Variants in LMBRD2 observed in about 807,000 individuals in gnomAD.
The protein encoded by LMBRD2 is LMBR1 domain containing 2.
Under a neutral mutation model 94.4 loss-of-function variants are expected in LMBRD2, and 55 were observed. The ratio of observed to expected loss-of-function variants is 0.58; its 90% CI spans 0.47 to 0.73. LMBRD2 has a LOEUF of 0.73. Among genes scored for constraint, LMBRD2 ranks in the 30% least tolerant of loss-of-function variants. The pLI is 0.00. For synonymous variants in LMBRD2, 246 were observed against 272.4 expected, an observed-to-expected ratio of 0.90 and a Z score of 0.95; for missense variants, 640 against 831.9, an observed-to-expected ratio of 0.77 and a Z score of 2.84.
chr5:36,135,092 T>G lies in LMBRD2; in HGVS notation c.747+1217A>C, dbSNP rs776038646. Among the ~76,000 whole-genome samples, 7 of 152,162 alleles carry G rather than the reference T, an allele frequency of 4.6e-5. No homozygotes were observed. In the South Asian group the frequency reaches 1.4e-3, roughly 31 times the overall value. On this transcript the variant is annotated intron_variant, in intron 6 of 17. Coordinates refer to ENST00000296603, the MANE Select transcript of LMBRD2 (RefSeq NM_001007527.2). ...TCCTACAATGACAGAGTAGTTGCAA[T>G]AGAAATGACATTGCACACAAAGCCT...
chr5:36,124,136 A>G (rs1220050487), intron 7 of LMBRD2, 55 bp downstream of exon 7: 14 of 990,268 alleles, frequency 1.4e-5, no homozygotes, highest in Non-Finnish European at 2.0e-5. Context: ...TACTTTTGGT[A>G]TAATATTATA....
intron 9 of LMBRD2, among the ~76,000 whole-genome samples, chr5:36,120,073 T>G (rs974314616): frequency 6.6e-6 from 1 of 151,984 alleles, no homozygotes; most frequent in African/African-American, 2.4e-5. Context: ...ATTTCTTTTT[T>G]TTTTTTGACG....
At chr5:36,149,035 A>T (rs922393297) in intron 1 of LMBRD2, among the ~76,000 whole-genome samples, 2 of 152,246 alleles carry the variant, frequency 1.3e-5, no homozygotes, top group Admixed American at 1.3e-4. Flanking sequence ...GAAAACATAG[A>T]GTAAATTAGA....
In LMBRD2 at chr5:36,137,365, T is replaced by C; in HGVS notation, c.445A>G (p.Ile149Val). 6.2e-7 allele frequency: 1 copy of C among 1,607,220 alleles called. No homozygotes were observed. The highest frequency in any genetic ancestry group is 8.5e-7 in the Non-Finnish European group (1 of 1,175,084). Reference sequence around the variant, plus strand: ...GTGCCATAGTAGATTGCATTCTCAATTAGTGCAGTTTTGATCTTTCCAGTG... The same window carrying C: ...GTGCCATAGTAGATTGCATTCTCAACTAGTGCAGTTTTGATCTTTCCAGTG... Reference protein sequence around the residue: ...SITGKIKTALIENAIYYGTYL... With the variant: ...SITGKIKTALVENAIYYGTYL... The change falls in exon 5 of 18, where the codon ATT (isoleucine) becomes GTT (valine). Residue 149 changes from isoleucine (I) to valine (V), a missense_variant. By Grantham distance (29) the Ile-to-Val change is conservative (BLOSUM62 3). Transcript: ENST00000296603.
At chr5:36,123,028 A>G in intron 7 of LMBRD2, 67 bp from the exon 8 acceptor site, 1 of 1,353,882 alleles carries the variant, frequency 7.4e-7, no homozygotes, top group Non-Finnish European at 9.6e-7. Flanking sequence ...TATTTTTATT[A>G]AAAATCTTTC....
intron 1 of LMBRD2, among the ~76,000 whole-genome samples, chr5:36,146,336 C>T (rs1744537568): frequency 6.6e-6 from 1 of 152,178 alleles, no homozygotes; most frequent in South Asian, 2.1e-4. Context: ...AAGGTGTCAG[C>T]AGGTTTGCAT....
At chr5:36,137,655 C>T (rs1744303166) in intron 4 of LMBRD2, among the ~76,000 whole-genome samples, 1 of 151,998 alleles carries the variant, frequency 6.6e-6, no homozygotes, top group African/African-American at 2.4e-5. Flanking sequence ...TCTTTAAAGC[C>T]TTTATGAAGA....
chr5:36,126,025 A>G (rs564219859), intron 6 of LMBRD2, among the ~76,000 whole-genome samples: 2 of 152,348 alleles, frequency 1.3e-5, no homozygotes, highest in South Asian at 2.1e-4. Flanking sequence ...GGGTCTGCAT[A>G]GCACTGGCTC....
intron 1 of LMBRD2, among the ~76,000 whole-genome samples, chr5:36,146,472 C>A (rs155545): frequency 6.6e-6 from 1 of 152,286 alleles, no homozygotes; most frequent in East Asian, 1.9e-4. Context: ...CTGGGCTCAA[C>A]TGATCCTCCC....
At chr5:36,119,335 C>T (rs1743833578) in intron 9 of LMBRD2, among the ~76,000 whole-genome samples, 3 of 152,184 alleles carry the variant, frequency 2.0e-5, no homozygotes, top group Admixed American at 2.0e-4. Context: ...TGTCTTCAAA[C>T]AATACCTTCA....
chr5:36,108,599 G>A lies in LMBRD2; in HGVS notation c.1832C>T (p.Thr611Ile), dbSNP rs1743529491. The change falls in exon 16 of 18, where the codon ACT becomes ATT. Residue 611 changes from threonine to isoleucine, a missense_variant. Physicochemically the swap from Thr to Ile is moderately conservative, Grantham distance 89. Transcript: ENST00000296603. ...GTCAGTATGAATATTTCTGTTCCTA[G>A]TGGAATCTTCTCTATTGTGTCCATA... ...ERYGHNREDS[T>I]RNRNIHTDPK... The A allele has an allele frequency of 6.3e-7, 1 of 1,593,996 alleles. No homozygotes were observed. The highest frequency in any genetic ancestry group is 1.7e-5 in the Admixed American group (1 of 59,564).
intron 4 of LMBRD2, among the ~76,000 whole-genome samples, chr5:36,140,386 G>C (rs1242219291): frequency 6.6e-6 from 1 of 152,202 alleles, no homozygotes; most frequent in African/African-American, 2.4e-5. Flanking sequence ...AGTGCAACCT[G>C]CCAGGCTGAG....
In LMBRD2 at chr5:36,112,742, C is replaced by T. The variant is rs2111852843; in HGVS notation, c.1641-1484G>A. Among the ~76,000 whole-genome samples the T allele has an allele frequency of 2.0e-5, 3 of 152,114 alleles. No individual in the cohort carries two copies. In the Middle Eastern group the frequency reaches 0.01, roughly 517 times the overall value. On this transcript the variant is annotated intron_variant, in intron 13 of 17. Transcript: ENST00000296603. ...ATAGTTGACAGAGCACTATTCTGCC[C>T]CATATCACTTGATCTATATAACCAT...
Position 36,099,758 on chromosome 5 carries a change from G to A in LMBRD2, c.*4288C>T, listed in dbSNP as rs1743309130. ...TGAAAAAAAGTTAATTTTTCCCAAG[G>A]AGTGTGTAAAAAATAAATGTCTTTT... On this transcript the variant is annotated 3_prime_UTR_variant, in exon 18 of 18. Transcript: ENST00000296603. 6.6e-6 allele frequency: 1 copy of A among 152,100 alleles called. No homozygotes were observed. Among genetic ancestry groups the A allele is most frequent in the Admixed American group, 6.6e-5 (1 of 15,254 alleles). 9.4% of individuals were successfully genotyped at this position (152,100 alleles called of 1,614,324 possible).
chr5:36,122,525 A>G, intron 8 of LMBRD2, 62 bp from the exon 9 acceptor site: 1 of 1,340,086 alleles, frequency 7.5e-7, no homozygotes, highest in Non-Finnish European at 1.0e-6. Context: ...TCAACTCTCC[A>G]CTAGGGAGCA....
Position 36,122,483 on chromosome 5 carries a change from T to TA in LMBRD2, c.937-21dup, listed in dbSNP as rs1743909409. 11 of 1,601,318 alleles carry TA rather than the reference T, an allele frequency of 6.9e-6. No homozygotes were observed. The highest frequency in any genetic ancestry group is 9.4e-6 in the Non-Finnish European group (11 of 1,171,826). On this transcript the variant is annotated intron_variant, in intron 8 of 17. Coordinates refer to ENST00000296603, the MANE Select transcript of LMBRD2 (RefSeq NM_001007527.2). ...AATCACCTAAAAAAGAGAATGGGGG[T>TA]AGACCTGGCAGTGTTCTGATCCAAC...
chr5:36,122,202 C>T, intron 9 of LMBRD2, 78 bp downstream of exon 9: 2 of 993,372 alleles, frequency 2.0e-6, no homozygotes, highest in Non-Finnish European at 1.5e-6. Flanking sequence ...TTCAACTTTG[C>T]ATTGGTGAAA....
At chr5:36,115,876 AC>A (rs1444008697) in intron 11 of LMBRD2, among the ~76,000 whole-genome samples, 1 of 152,190 alleles carries the variant, frequency 6.6e-6, no homozygotes, top group Non-Finnish European at 1.5e-5. Context: ...TACATTTGCA[AC>A]TTCCCATGAG....
Position 36,147,380 on chromosome 5 carries a change from G to C in LMBRD2, c.-57-3974C>G, listed in dbSNP as rs149991660. 5.0e-3 allele frequency among the ~76,000 whole-genome samples: 755 copies of C among 152,290 alleles called. 2 individuals carry two copies. Among genetic ancestry groups the C allele is most frequent in the Admixed American group, 8.9e-3 (136 of 15,306 alleles). ...GGATGATAATGATGATAATGATGAT[G>C]ATGGTGATACTAAAATGGGGAGGTA... On this transcript the variant is annotated intron_variant, in intron 1 of 17. Coordinates refer to ENST00000296603, the MANE Select transcript of LMBRD2 (RefSeq NM_001007527.2).
Sources: allele counts gnomAD v4.1 joint callset (sites outside exome capture counted in the v4.1 genomes callset), GRCh38; gene constraint gnomAD v4.1.1; transcripts MANE v1.5; gene names NCBI Gene and HGNC (gene_info 2026-07-23, HGNC 2026-07-21).